Variants in MAGI3 observed in about 807,000 individuals in gnomAD.
MAGI3 encodes the protein membrane associated guanylate kinase, WW and PDZ domain containing 3.
MAGI3 carries 43 observed loss-of-function variants against 121.8 expected under a neutral mutation model. The observed-to-expected ratio is 0.35, with a 90% confidence interval of 0.28 to 0.46. The LOEUF (loss-of-function observed/expected upper bound fraction) is 0.46, where lower values mean the gene tolerates loss of function less well. Among genes scored for constraint, MAGI3 ranks in the 20% least tolerant of loss-of-function variants. The pLI, the probability that MAGI3 is intolerant of heterozygous loss-of-function variation, is 1.00. For missense variants in MAGI3, 1,547 were observed against 1,797.3 expected (o/e 0.86, Z 2.52); for synonymous variants, 553 against 639.3 (o/e 0.86, Z 2.04).
chr1:113,642,666 A>G lies in MAGI3; in HGVS notation c.1966+150A>G, dbSNP rs1038423577. The G allele has an allele frequency of 8.2e-6, 7 of 851,476 alleles. No individual in the cohort carries two copies. The African/African-American group carries it at 1.2e-4, about 15-fold the overall frequency. The allele number at this position is 851,476 out of a possible 1,614,324, so 52.7% of individuals were successfully genotyped here. On this transcript the variant is annotated intron_variant, in intron 10 of 20. Coordinates refer to ENST00000307546, the MANE Select transcript of MAGI3 (RefSeq NM_001142782.2). Reference sequence around the variant, plus strand: ...CTTAAGGTTCTGTCTGATTGTTTCCATAAGCAGTGTCTTTTTCAGCAGTTT... The same window carrying G: ...CTTAAGGTTCTGTCTGATTGTTTCCGTAAGCAGTGTCTTTTTCAGCAGTTT...
chr1:113,395,573 C>A (rs1651066041), intron 1 of MAGI3, among the ~76,000 whole-genome samples: 1 of 151,718 alleles, frequency 6.6e-6, no homozygotes, highest in Admixed American at 6.6e-5. Context: ...AAAATATTTT[C>A]TCTCCATCAT....
intron 1 of MAGI3, among the ~76,000 whole-genome samples, chr1:113,467,917 A>G (rs1439762575): frequency 6.6e-6 from 1 of 152,204 alleles, no homozygotes; most frequent in Non-Finnish European, 1.5e-5. Context: ...CCACTGTTGT[A>G]TATAAATATT....
intron 9 of MAGI3, among the ~76,000 whole-genome samples, chr1:113,635,577 C>T (rs972249548): frequency 6.6e-6 from 1 of 151,896 alleles, no homozygotes; most frequent in Non-Finnish European, 1.5e-5. Flanking sequence ...GGATGAAGCC[C>T]ACTTGATCAT....
At chr1:113,476,117 C>T (rs969608907) in intron 1 of MAGI3, among the ~76,000 whole-genome samples, 4 of 150,956 alleles carry the variant, frequency 2.6e-5, no homozygotes, top group Admixed American at 6.6e-5. Flanking sequence ...TTCTTTTTTT[C>T]TTTATTAGTC....
At chr1:113,448,219 G>C (rs760104126) in intron 1 of MAGI3, among the ~76,000 whole-genome samples, 3 of 152,140 alleles carry the variant, frequency 2.0e-5, no homozygotes, top group African/African-American at 7.2e-5. Context: ...CTTTCTATGT[G>C]AGCACGTACA....
intron 1 of MAGI3, among the ~76,000 whole-genome samples, chr1:113,509,925 C>T (rs2101609179): frequency 6.6e-6 from 1 of 151,410 alleles, no homozygotes; most frequent in African/African-American, 2.4e-5. Flanking sequence ...GCCTGCAGCA[C>T]GTTGCCTCCA....
intron 2 of MAGI3, among the ~76,000 whole-genome samples, chr1:113,571,554 C>T (rs980568100): frequency 6.6e-6 from 1 of 151,744 alleles, no homozygotes; most frequent in Non-Finnish European, 1.5e-5. Flanking sequence ...TGTTTGTGTC[C>T]TCTCGTATTT....
At position 113,390,524 on chromosome 1, in the gene MAGI3, G is replaced by C. The variant is rs1057229001; in HGVS notation, c.-510G>C. Among the ~76,000 whole-genome samples, 1 of 152,132 alleles carries C rather than the reference G, an allele frequency of 6.6e-6. No individual in the cohort carries two copies. The highest frequency in any genetic ancestry group is 2.4e-5 in the African/African-American group (1 of 41,442). ...CTGGTTTGAAAGCGGCAGTTTCCTGGCAGCTTGGGCAGGCGTTGGTCTCCG... is the reference window on the plus strand; with the variant it reads ...CTGGTTTGAAAGCGGCAGTTTCCTGCCAGCTTGGGCAGGCGTTGGTCTCCG... On this transcript the variant is annotated 5_prime_UTR_variant, in exon 1 of 21. Transcript: ENST00000307546.
In MAGI3 at chr1:113,395,087, G is replaced by GTTTTTTTTTTTTTTTT. The variant is rs139532433; in HGVS notation, c.316+3752_316+3767dup. ...TCTTATCTCTTGAATCTTTTTGTTA[G>GTTTTTTTTTTTTTTTT]TTTTTTTTTTTTTTTTTTTTTTTTT... On this transcript the variant is annotated intron_variant, in intron 1 of 20. Coordinates refer to ENST00000307546, the MANE Select transcript of MAGI3 (RefSeq NM_001142782.2). 2.1e-4 allele frequency among the ~76,000 whole-genome samples: 7 copies of GTTTTTTTTTTTTTTTT among 33,238 alleles called. 1 individual carries two copies. The highest frequency in any genetic ancestry group is 3.1e-4 in the Non-Finnish European group (6 of 19,646). 21.8% of individuals were successfully genotyped at this position (33,238 alleles called of 152,430 possible).
rs535881620 is a variant in MAGI3, at chr1:113,571,963, T to C, written c.434-8579T>C. 1.9e-4 allele frequency among the ~76,000 whole-genome samples: 29 copies of C among 152,332 alleles called. 1 individual carries two copies. In the South Asian group the frequency reaches 5.8e-3, roughly 30 times the overall value. On this transcript the variant is annotated intron_variant, in intron 2 of 20. Coordinates refer to ENST00000307546, the MANE Select transcript of MAGI3 (RefSeq NM_001142782.2). ...GGAGTGGTGAGAGAGGGGATCCTTT[T>C]CTTGTGCCAGTTTTCAAAGAGAATG... is the stretch of plus-strand genomic sequence containing the variant.
chr1:113,465,815 T>A (rs1655255080), intron 1 of MAGI3, among the ~76,000 whole-genome samples: 1 of 152,122 alleles, frequency 6.6e-6, no homozygotes, highest in Admixed American at 6.6e-5. Context: ...TGTTGGTGGG[T>A]ATAAAGGCTA....
At chr1:113,682,840 T>C in intron 20 of MAGI3, 57 bp from the exon 21 acceptor site, 2 of 1,479,902 alleles carry the variant, frequency 1.4e-6, no homozygotes, top group African/African-American at 1.4e-5. Flanking sequence ...TCAAAACGTA[T>C]TGTTCCTATT....
At chr1:113,612,350 C>T (rs1218066684) in intron 6 of MAGI3, among the ~76,000 whole-genome samples, 1 of 152,158 alleles carries the variant, frequency 6.6e-6, no homozygotes, top group Non-Finnish European at 1.5e-5. Context: ...TTTATCTTAT[C>T]ATTTATCTCT....
At chr1:113,435,674 G>A (rs1235898421) in intron 1 of MAGI3, among the ~76,000 whole-genome samples, 2 of 151,918 alleles carry the variant, frequency 1.3e-5, no homozygotes, top group African/African-American at 2.4e-5. Context: ...TTATGAAGAG[G>A]AATTCAACAC....
chr1:113,432,769 A>G (rs1271759143), intron 1 of MAGI3, among the ~76,000 whole-genome samples: 2 of 152,172 alleles, frequency 1.3e-5, no homozygotes, highest in African/African-American at 4.8e-5. Flanking sequence ...GATATTTTTA[A>G]TACTGATAAT....
chr1:113,682,538 CATA>C, intron 20 of MAGI3: 4 of 1,237,466 alleles, frequency 3.2e-6, no homozygotes, highest in Non-Finnish European at 4.0e-6. Context: ...TGTATCAATT[CATA>C]ATAATTAGTG....
chr1:113,509,005 C>T (rs936227358), intron 1 of MAGI3, among the ~76,000 whole-genome samples: 4 of 151,920 alleles, frequency 2.6e-5, no homozygotes, highest in Admixed American at 2.0e-4. Context: ...ATTTAGAAAC[C>T]ATTCTATTTT....
intron 1 of MAGI3, among the ~76,000 whole-genome samples, chr1:113,403,242 G>A (rs751697520): frequency 1.3e-5 from 2 of 151,938 alleles, no homozygotes; most frequent in Non-Finnish European, 2.9e-5. Context: ...CTGAAACAGT[G>A]GCAAGAAAAT....
intron 14 of MAGI3, among the ~76,000 whole-genome samples, chr1:113,652,558 A>T (rs945425715): frequency 2.6e-5 from 4 of 152,124 alleles, no homozygotes; most frequent in African/African-American, 4.8e-5. Context: ...TTGTGATGTT[A>T]TACAACCTAC....
Sources: allele counts gnomAD v4.1 joint callset (sites outside exome capture counted in the v4.1 genomes callset), GRCh38; gene constraint gnomAD v4.1.1; transcripts MANE v1.5; gene names NCBI Gene and HGNC (gene_info 2026-07-23, HGNC 2026-07-21).